Variants in RAB3C observed in about 807,000 individuals in gnomAD.
The protein encoded by RAB3C is RAB3C, member RAS oncogene family.
In RAB3C, 17 loss-of-function variants were observed where a neutral mutation model predicts 26.4. That is an observed-to-expected ratio of 0.64 (90% CI 0.44 to 0.97). The LOEUF (loss-of-function observed/expected upper bound fraction) is 0.97, where lower values mean the gene tolerates loss of function less well. Ranked by LOEUF, RAB3C falls within the 50% of genes least tolerant of loss-of-function variation. The pLI is 0.00. For synonymous variants in RAB3C, 91 were observed against 95.9 expected (o/e 0.95, Z 0.30); for missense variants, 242 against 281.9 (o/e 0.86, Z 1.01).
At position 58,825,092 on chromosome 5, in the gene RAB3C, G is replaced by C; in HGVS notation, c.426G>C (p.Gly142=). 6.2e-7 allele frequency: 1 copy of C among 1,613,490 alleles called. No individual in the cohort carries two copies. The highest frequency in any genetic ancestry group is 8.5e-7 in the Non-Finnish European group (1 of 1,179,634). The change falls in exon 4 of 5, where the codon GGG becomes GGC. Residue 142 remains glycine (G), a synonymous_variant. Transcript: ENST00000282878. ...SWDNAQVILV[G]NKCDMEDERV... ...ACAATGCCCAAGTTATTCTGGTTGG[G>C]AACAAGTGTGACATGGAAGACGAGC...
intron 3 of RAB3C, among the ~76,000 whole-genome samples, chr5:58,785,347 G>A (rs1352244872): frequency 6.6e-6 from 1 of 152,166 alleles, no homozygotes; most frequent in Non-Finnish European, 1.5e-5. Context: ...ATAATGTGCA[G>A]GACAGATTGG....
chr5:58,658,241 C>T (rs566929573), intron 2 of RAB3C, among the ~76,000 whole-genome samples: 6 of 152,136 alleles, frequency 3.9e-5, no homozygotes, highest in Non-Finnish European at 5.9e-5. Context: ...ACCCACCCAG[C>T]GACTTTCACA....
chr5:58,694,255 G>A (rs1748643690), intron 2 of RAB3C, among the ~76,000 whole-genome samples: 1 of 152,104 alleles, frequency 6.6e-6, no homozygotes, highest in South Asian at 2.1e-4. Context: ...CCCTGCAAAG[G>A]ACATGAACTC....
chr5:58,608,824 G>C (rs914169988), intron 1 of RAB3C, among the ~76,000 whole-genome samples: 17 of 152,190 alleles, frequency 1.1e-4, no homozygotes, highest in Non-Finnish European at 2.9e-5. Flanking sequence ...TTAAGAAAAT[G>C]TGGCACATAT....
At chr5:58,790,832 G>A (rs1272933834) in intron 3 of RAB3C, among the ~76,000 whole-genome samples, 2 of 151,934 alleles carry the variant, frequency 1.3e-5, no homozygotes, top group Non-Finnish European at 2.9e-5. Flanking sequence ...AGAAGCCATT[G>A]GCCCACATAA....
intron 2 of RAB3C, among the ~76,000 whole-genome samples, chr5:58,626,779 C>A (rs542416922): frequency 1.6e-4 from 25 of 152,250 alleles, no homozygotes; most frequent in African/African-American, 5.8e-4. Context: ...TTTTATGGGC[C>A]AAACCTATTT....
intron 2 of RAB3C, among the ~76,000 whole-genome samples, chr5:58,708,391 C>T (rs1440474862): frequency 6.6e-6 from 1 of 152,196 alleles, no homozygotes; most frequent in African/African-American, 2.4e-5. Flanking sequence ...ATTCACCAGG[C>T]TGAGCATGTA....
chr5:58,817,466 A>G (rs1743241832), intron 3 of RAB3C, among the ~76,000 whole-genome samples: 2 of 152,148 alleles, frequency 1.3e-5, no homozygotes, highest in Non-Finnish European at 2.9e-5. Context: ...ATTAGCATTT[A>G]TAGCATGTGT....
chr5:58,772,577 C>T (rs2111989920), intron 3 of RAB3C, among the ~76,000 whole-genome samples: 1 of 152,278 alleles, frequency 6.6e-6, no homozygotes, highest in East Asian at 1.9e-4. Context: ...TAAATCTTTT[C>T]ATTGTCATGA....
At chr5:58,633,276 C>T (rs114251478) in intron 2 of RAB3C, among the ~76,000 whole-genome samples, 1 of 152,260 alleles carries the variant, frequency 6.6e-6, no homozygotes, top group African/African-American at 2.4e-5. Flanking sequence ...GGCAGAAGAA[C>T]CTACAGACAC....
Position 58,851,444 on chromosome 5 carries a change from C to T in RAB3C, c.*93C>T. On this transcript the variant is annotated 3_prime_UTR_variant, in exon 5 of 5. Transcript: ENST00000282878. ...ATTAGCCTTCATTTATACTGCCTAA[C>T]AATTATTTGAAGGAATAAATTGATG... 2.0e-6 allele frequency: 2 copies of T among 1,019,466 alleles called. No homozygotes were observed. Among genetic ancestry groups the T allele is most frequent in the Non-Finnish European group, 2.8e-6 (2 of 711,178 alleles). 63.2% of individuals were successfully genotyped at this position (1,019,466 alleles called of 1,614,324 possible).
At chr5:58,759,155 A>T (rs1009804719) in intron 3 of RAB3C, among the ~76,000 whole-genome samples, 4 of 152,264 alleles carry the variant, frequency 2.6e-5, no homozygotes, top group African/African-American at 9.6e-5. Flanking sequence ...TCAGTGAAGG[A>T]TACAAACAAG....
chr5:58,769,270 C>A (rs1013382216), intron 3 of RAB3C, among the ~76,000 whole-genome samples: 1 of 151,832 alleles, frequency 6.6e-6, no homozygotes, highest in Non-Finnish European at 1.5e-5. Flanking sequence ...GATGTCCAAG[C>A]AGATATTTGA....
intron 2 of RAB3C, among the ~76,000 whole-genome samples, chr5:58,658,993 C>T (rs1221007173): frequency 6.6e-6 from 1 of 152,124 alleles, no homozygotes; most frequent in Non-Finnish European, 1.5e-5. Flanking sequence ...AGGGAAATAG[C>T]TGTCACTTCT....
intron 3 of RAB3C, among the ~76,000 whole-genome samples, chr5:58,765,459 C>G (rs1741881353): frequency 6.6e-6 from 1 of 152,140 alleles, no homozygotes. Flanking sequence ...AGAAATGTAA[C>G]AAACGCATCA....
intron 3 of RAB3C, among the ~76,000 whole-genome samples, chr5:58,796,269 A>C (rs1419457991): frequency 1.3e-5 from 2 of 152,220 alleles, no homozygotes; most frequent in East Asian, 3.8e-4. Context: ...AGTGTTACAC[A>C]GGTTACAGAA....
At chr5:58,586,175 A>G (rs1579799519) in intron 1 of RAB3C, among the ~76,000 whole-genome samples, 1 of 152,102 alleles carries the variant, frequency 6.6e-6, no homozygotes, top group East Asian at 1.9e-4. Context: ...AATCATACAT[A>G]TCTATGGATA....
Position 58,598,197 on chromosome 5 carries a change from A to G in RAB3C, c.24+14965A>G, listed in dbSNP as rs149711452. ...TACGATAACATGTAATACATTATATATAAGTATACGATAACATGTAATACA... is the reference window on the plus strand; with the variant it reads ...TACGATAACATGTAATACATTATATGTAAGTATACGATAACATGTAATACA... On this transcript the variant is annotated intron_variant, in intron 1 of 4. Coordinates refer to ENST00000282878, the MANE Select transcript of RAB3C (RefSeq NM_138453.4). Among the ~76,000 whole-genome samples, 2 of 42,616 alleles carry G rather than the reference A, an allele frequency of 4.7e-5. 1 individual carries two copies. Among genetic ancestry groups the G allele is most frequent in the East Asian group, 6.6e-4 (2 of 3,014 alleles). The allele number at this position is 42,616 out of a possible 152,430, so 28.0% of individuals were successfully genotyped here. A position where few individuals can be genotyped will look rare whatever the true frequency, so the allele number is the denominator to read the frequency against.
intron 4 of RAB3C, among the ~76,000 whole-genome samples, chr5:58,849,449 A>C (rs1744069156): frequency 6.6e-6 from 1 of 152,178 alleles, no homozygotes; most frequent in Admixed American, 6.5e-5. Context: ...TCTGGATTGA[A>C]TTACTGGAAG....
Sources: gnomAD v4.1 joint callset for allele counts (sites outside exome capture counted in the v4.1 genomes callset) on GRCh38, gnomAD v4.1.1 for gene constraint, MANE v1.5 for transcripts, NCBI Gene and HGNC (gene_info 2026-07-23, HGNC 2026-07-21) for gene names.